Variants in TOP1 observed in about 807,000 individuals in gnomAD.
The protein encoded by TOP1 is DNA topoisomerase I, also known as DNA topoisomerase 1.
In TOP1, 10 loss-of-function variants were observed where a neutral mutation model predicts 111.1. The ratio of observed to expected loss-of-function variants is 0.09; its 90% confidence interval spans 0.06 to 0.15. The LOEUF is 0.15. Ranked by LOEUF, TOP1 falls within the 10% of genes least tolerant of loss-of-function variation. The probability of loss-of-function intolerance (pLI) is 1.00; values close to 1 mark genes in which losing one functional copy is unlikely to be tolerated. For synonymous variants in TOP1, 271 were observed against 302.9 expected (o/e 0.89, Z 1.10); for missense variants, 474 against 926.7 (o/e 0.51, Z 6.34).
rs755227003 is a variant in TOP1, at chr20:41,115,107, G to A, written c.1639-264G>A. On this transcript the variant is annotated intron_variant, in intron 15 of 20. Coordinates refer to ENST00000361337, the MANE Select transcript of TOP1 (RefSeq NM_003286.4). The surrounding 1 kb of genome is among the most constrained non-coding windows in gnomAD (Gnocchi z 6.3). The stretch of plus-strand genomic sequence containing the variant: ...GTAAGTACTTATAAATGTACTTTAG[G>A]ACCATATTATAAGTAAGTGCTTATA... Among the ~76,000 whole-genome samples the A allele has an allele frequency of 2.0e-5, 3 of 151,916 alleles. No homozygotes were observed. The highest frequency in any genetic ancestry group is 4.4e-5 in the Non-Finnish European group (3 of 67,994).
chr20:41,086,417 G>C (rs922277183), intron 8 of TOP1, among the ~76,000 whole-genome samples: 1 of 152,164 alleles, frequency 6.6e-6, no homozygotes, highest in Non-Finnish European at 1.5e-5. Flanking sequence ...TTATTATTGG[G>C]AGTTAAGAGA....
rs147173279 is a variant in TOP1, at chr20:41,113,990, T to C, written c.1473T>C (p.Asn491=). 3.0e-4 allele frequency: 483 copies of C among 1,612,576 alleles called. 1 individual carries two copies. The highest frequency in any genetic ancestry group is 3.9e-4 in the Non-Finnish European group (458 of 1,179,566). ...GGCAGCTTGCTCTGAGAGCAGGCAATGAAAAGGAGGAAGGAGAAACAGCGG... is the reference window on the plus strand; with the variant it reads ...GGCAGCTTGCTCTGAGAGCAGGCAACGAAAAGGAGGAAGGAGAAACAGCGG... ...FIDKLALRAG[N]EKEEGETADT... is the part of the protein sequence containing the mutation. The change falls in exon 15 of 21, where the codon AAT becomes AAC. Residue 491 remains asparagine (N), a synonymous_variant. Coordinates refer to ENST00000361337, the MANE Select transcript of TOP1 (RefSeq NM_003286.4).
At chr20:41,119,431 A>G (rs1223253731) in intron 18 of TOP1, among the ~76,000 whole-genome samples, 2 of 152,224 alleles carry the variant, frequency 1.3e-5, no homozygotes, top group Non-Finnish European at 2.9e-5. Context: ...CCTGGGCAAC[A>G]TAGTGAGACC....
At chr20:41,066,117 A>G (rs2033603263) in intron 3 of TOP1, among the ~76,000 whole-genome samples, 1 of 152,244 alleles carries the variant, frequency 6.6e-6, no homozygotes, top group Non-Finnish European at 1.5e-5. Context: ...GTTAATATTT[A>G]AAACATAAGC....
chr20:41,111,845 T>C (rs2034247471), intron 13 of TOP1, among the ~76,000 whole-genome samples: 1 of 152,168 alleles, frequency 6.6e-6, no homozygotes, highest in Non-Finnish European at 1.5e-5. Flanking sequence ...CTGTTTTATG[T>C]AATTCCCTGC....
Position 41,061,523 on chromosome 20 carries a change from T to A in TOP1, c.155+33T>A. On this transcript the variant is annotated intron_variant, in intron 3 of 20. Coordinates refer to ENST00000361337, the MANE Select transcript of TOP1 (RefSeq NM_003286.4). This position sits in a 1 kb window ranked among gnomAD's most constrained non-coding sequence, Gnocchi z 4.6. ...TGGAATCAAGCAAGTCCCTCATCAT[T>A]CAGCAGTGGGTTGGCCATTGCTTGG... The A allele has an allele frequency of 6.4e-7, 1 of 1,550,630 alleles. No homozygotes were observed. The highest frequency in any genetic ancestry group is 1.2e-5 in the South Asian group (1 of 85,486).
At position 41,080,525 on chromosome 20, in the gene TOP1, C is replaced by T. The variant is rs987089088; in HGVS notation, c.431+345C>T. On this transcript the variant is annotated intron_variant, in intron 6 of 20. Transcript: ENST00000361337. This position sits in a 1 kb window ranked among gnomAD's most constrained non-coding sequence, Gnocchi z 5.0. ...CCACAGATAACTTAAAGCAGTTTCT[C>T]TTAGACCTATTCCTGTCAGACATTC... Among the ~76,000 whole-genome samples, 1 of 152,170 alleles carries T rather than the reference C, an allele frequency of 6.6e-6. No individual in the cohort carries two copies. Among genetic ancestry groups the T allele is most frequent in the Non-Finnish European group, 1.5e-5 (1 of 68,018 alleles).
chr20:41,061,532 G>GCCAACCCACT lies in TOP1; in HGVS notation c.155+42_155+43insCCAACCCACT. The GCCAACCCACT allele has an allele frequency of 6.5e-7, 1 of 1,536,028 alleles. No individual in the cohort carries two copies. Among genetic ancestry groups the GCCAACCCACT allele is most frequent in the Non-Finnish European group, 8.8e-7 (1 of 1,131,172 alleles). ...GCAAGTCCCTCATCATTCAGCAGTG[G>GCCAACCCACT]GTTGGCCATTGCTTGGCTTACCTGG... On this transcript the variant is annotated intron_variant, in intron 3 of 20. Transcript: ENST00000361337. The surrounding 1 kb of genome is among the most constrained non-coding windows in gnomAD (Gnocchi z 4.6).
chr20:41,054,222 C>T (rs574505861), intron 2 of TOP1, among the ~76,000 whole-genome samples: 12 of 152,174 alleles, frequency 7.9e-5, no homozygotes, highest in African/African-American at 2.6e-4. Flanking sequence ...TTGAATCACC[C>T]GGGCAGTTAC....
At position 41,098,147 on chromosome 20, in the gene TOP1, A is replaced by G; in HGVS notation, c.853-68A>G. ...AAATGGTGCTTGGGTGTATTTGCAAAGAAACCCAAGGACTTATTAGTGTAT... is the reference window on the plus strand; with the variant it reads ...AAATGGTGCTTGGGTGTATTTGCAAGGAAACCCAAGGACTTATTAGTGTAT... On this transcript the variant is annotated intron_variant, in intron 10 of 20. Coordinates refer to ENST00000361337, the MANE Select transcript of TOP1 (RefSeq NM_003286.4). This position sits in a 1 kb window ranked among gnomAD's most constrained non-coding sequence, Gnocchi z 5.7. The G allele has an allele frequency of 6.4e-7, 1 of 1,551,484 alleles. No homozygotes were observed. Among genetic ancestry groups the G allele is most frequent in the South Asian group, 1.1e-5 (1 of 88,352 alleles).
At chr20:41,044,587 G>A (rs974665684) in intron 2 of TOP1, among the ~76,000 whole-genome samples, 2 of 152,238 alleles carry the variant, frequency 1.3e-5, no homozygotes, top group African/African-American at 4.8e-5. Context: ...AGCCAGGCCT[G>A]GGAACCACAC....
rs1002968991 is a variant in TOP1 at position 41,080,283 on chromosome 20, T to G, written c.431+103T>G. 7 of 665,458 alleles carry G rather than the reference T, an allele frequency of 1.1e-5. No individual in the cohort carries two copies. In the African/African-American group the frequency reaches 1.1e-4, roughly 11 times the overall value. The allele number at this position is 665,458 out of a possible 1,614,324, so 41.2% of individuals were successfully genotyped here. A position where few individuals can be genotyped will look rare whatever the true frequency, so the allele number is the denominator to read the frequency against. On this transcript the variant is annotated intron_variant, in intron 6 of 20. Transcript: ENST00000361337. The surrounding 1 kb of genome is among the most constrained non-coding windows in gnomAD (Gnocchi z 5.0). Reference sequence around the variant, plus strand: ...TAATACATATAGAAACTGCATTAATTGGCTTTTACTCATTTGGAATTTGTG... The same window carrying G: ...TAATACATATAGAAACTGCATTAATGGGCTTTTACTCATTTGGAATTTGTG...
At position 41,106,012 on chromosome 20, in the gene TOP1, T is replaced by C. The variant is rs1301293589; in HGVS notation, c.1308+4659T>C. Reference sequence around the variant, plus strand: ...CCACAACAGTATTCCTCTTTTTCCATATCCTTGCTAATGTTTCTAAAGTTT... The same window carrying C: ...CCACAACAGTATTCCTCTTTTTCCACATCCTTGCTAATGTTTCTAAAGTTT... On this transcript the variant is annotated intron_variant, in intron 13 of 20. Coordinates refer to ENST00000361337, the MANE Select transcript of TOP1 (RefSeq NM_003286.4). This position sits in a 1 kb window ranked among gnomAD's most constrained non-coding sequence, Gnocchi z 4.3. Among the ~76,000 whole-genome samples the C allele has an allele frequency of 7.7e-6, 1 of 129,836 alleles. No individual in the cohort carries two copies. The highest frequency in any genetic ancestry group is 3.6e-3 in the Middle Eastern group (1 of 274). 85.2% of individuals were successfully genotyped at this position (129,836 alleles called of 152,430 possible).
intron 18 of TOP1, among the ~76,000 whole-genome samples, chr20:41,120,494 G>A (rs1336684105): frequency 6.6e-6 from 1 of 152,196 alleles, no homozygotes; most frequent in African/African-American, 2.4e-5. Context: ...TCTGAGTAGC[G>A]TGAGCTCAGT....
At chr20:41,033,233 T>C (rs535404716) in intron 2 of TOP1, among the ~76,000 whole-genome samples, 1 of 151,180 alleles carries the variant, frequency 6.6e-6, no homozygotes, top group Non-Finnish European at 1.5e-5. Flanking sequence ...AACTAAATAA[T>C]ATAGCTAGCA....
chr20:41,059,026 A>G (rs553996725), intron 2 of TOP1, among the ~76,000 whole-genome samples: 2 of 152,282 alleles, frequency 1.3e-5, no homozygotes, highest in South Asian at 2.1e-4. Flanking sequence ...AGGAACATGG[A>G]TGGAACTAGA....
At chr20:41,056,941 A>C (rs17263616) in intron 2 of TOP1, among the ~76,000 whole-genome samples, 1,689 of 152,230 alleles carry the variant, frequency 0.011, 15 homozygotes, top group Non-Finnish European at 0.018. Context: ...CCTGGCTTAA[A>C]ATCAATTTTG....
rs1367619487 is a variant in TOP1 at position 41,121,763 on chromosome 20, A to G, written c.2018A>G (p.Lys673Arg). The G allele has an allele frequency of 6.2e-7, 1 of 1,614,098 alleles. No homozygotes were observed. Among genetic ancestry groups the G allele is most frequent in the Admixed American group, 1.7e-5 (1 of 60,008 alleles). ...RDLKSAKADA[K>R]VMKDAKTKKV... ...CTGAAAAGTGCTAAGGCTGATGCCA[A>G]GGTCATGAAGGATGCAAAGACGAAG... Residue 673 changes from lysine to arginine, a missense_variant, in exon 19 of 21, where the codon AAG becomes AGG. Lys to Arg is a conservative substitution (Grantham distance 26, BLOSUM62 2). Coordinates refer to ENST00000361337, the MANE Select transcript of TOP1 (RefSeq NM_003286.4). The surrounding 1 kb of genome is among the most constrained non-coding windows in gnomAD (Gnocchi z 4.2).
At position 41,057,132 on chromosome 20, in the gene TOP1, G is replaced by A. The variant is rs183231726; in HGVS notation, c.59-4262G>A. The stretch of plus-strand genomic sequence containing the variant: ...ATACAAAAAATTAGCCGGGCATGGC[G>A]GCATGCACCTGTAGTCTCAGCTACT... On this transcript the variant is annotated intron_variant, in intron 2 of 20. Transcript: ENST00000361337. 2.2e-3 allele frequency among the ~76,000 whole-genome samples: 334 copies of A among 152,030 alleles called. 1 individual carries two copies. The highest frequency in any genetic ancestry group is 6.6e-3 in the African/African-American group (272 of 41,458).
Sources: gnomAD v4.1 joint callset for allele counts (sites outside exome capture counted in the v4.1 genomes callset) on GRCh38, gnomAD v4.1.1 for gene constraint, Gnocchi (gnomAD v3.1) non-coding constraint, MANE v1.5 for transcripts, NCBI Gene and HGNC (gene_info 2026-07-23, HGNC 2026-07-21) for gene names.